MEIS2: variants seen among roughly 807,000 people sequenced by gnomAD.
MEIS2 encodes the protein homeobox protein Meis2.
Under a neutral mutation model 58.6 loss-of-function variants are expected in MEIS2, and 9 were observed. The ratio of observed to expected loss-of-function variants is 0.15; its 90% CI spans 0.09 to 0.27. MEIS2 has a LOEUF of 0.27. Ranked by LOEUF, MEIS2 falls within the 10% of genes least tolerant of loss-of-function variation. MEIS2 has a pLI of 1.00. For synonymous variants in MEIS2, 221 were observed against 228.4 expected, an observed-to-expected ratio of 0.97 and a Z score of 0.29; for missense variants, 427 against 635.0, an observed-to-expected ratio of 0.67 and a Z score of 3.52.
intron 8 of MEIS2, among the ~76,000 whole-genome samples, chr15:36,967,025 A>G (rs1029421289): frequency 1.3e-5 from 2 of 152,190 alleles, no homozygotes; most frequent in Non-Finnish European, 2.9e-5. Flanking sequence ...AAGTACTAAC[A>G]TGGTGTCTGG....
chr15:37,055,709 G>A (rs1018448992), intron 7 of MEIS2, among the ~76,000 whole-genome samples: 4 of 152,154 alleles, frequency 2.6e-5, no homozygotes, highest in African/African-American at 4.8e-5. Flanking sequence ...CACTAAGTAC[G>A]GAAAGCTCGG....
intron 8 of MEIS2, among the ~76,000 whole-genome samples, chr15:36,971,553 A>AAAAAAAAAAAAAAAG (rs1555438306): frequency 2.3e-5 from 3 of 132,062 alleles, no homozygotes; most frequent in East Asian, 2.6e-4. Context: ...AAAAAAAAAA[A>AAAAAAAAAAAAAAAG]AAAAAAAAAA....
At chr15:37,046,509 C>T (rs2141782203) in intron 7 of MEIS2, among the ~76,000 whole-genome samples, 1 of 152,204 alleles carries the variant, frequency 6.6e-6, no homozygotes, top group Middle Eastern at 3.4e-3. Context: ...ACTTCACCCA[C>T]TGGTTGGAAA....
Position 37,042,430 on chromosome 15 carries a change from G to A in MEIS2, c.755-5471C>T, listed in dbSNP as rs867197747. ...CCTGCCAAAACTGACATTTACCATT[G>A]AGGAAACTGAAGCCAGGAGATTAAA... On this transcript the variant is annotated intron_variant, in intron 7 of 11. Coordinates refer to ENST00000561208, the MANE Select transcript of MEIS2 (RefSeq NM_170675.5). 2.0e-5 allele frequency among the ~76,000 whole-genome samples: 3 copies of A among 152,232 alleles called. No individual in the cohort carries two copies. In the South Asian group the frequency reaches 6.2e-4, roughly 32 times the overall value.
intron 7 of MEIS2, among the ~76,000 whole-genome samples, chr15:37,069,824 A>G (rs75735046): frequency 0.013 from 2,032 of 152,212 alleles, 43 homozygotes; most frequent in African/African-American, 0.047. Flanking sequence ...AGATGTAGAC[A>G]AGGTGGGGTT....
chr15:36,902,130 C>T (rs1377572819), intron 9 of MEIS2, among the ~76,000 whole-genome samples: 2 of 152,162 alleles, frequency 1.3e-5, no homozygotes, highest in African/African-American at 4.8e-5. Flanking sequence ...ATCCTTAGCA[C>T]AATGCCTGGC....
intron 9 of MEIS2, among the ~76,000 whole-genome samples, chr15:36,931,989 T>A (rs1223206299): frequency 6.6e-6 from 1 of 152,064 alleles, no homozygotes; most frequent in Non-Finnish European, 1.5e-5. Flanking sequence ...GTGCACAAAA[T>A]CCCTATTAGC....
intron 9 of MEIS2, among the ~76,000 whole-genome samples, chr15:36,927,814 T>C (rs1364080592): frequency 1.3e-5 from 2 of 152,184 alleles, no homozygotes; most frequent in South Asian, 4.1e-4. Context: ...TAAGTCATTT[T>C]CTCTGTATTT....
intron 8 of MEIS2, among the ~76,000 whole-genome samples, chr15:36,957,606 T>C (rs1279371263): frequency 1.3e-5 from 2 of 152,228 alleles, no homozygotes; most frequent in Non-Finnish European, 2.9e-5. Flanking sequence ...TCTCTTGTGT[T>C]TTTATTCACT....
intron 9 of MEIS2, among the ~76,000 whole-genome samples, chr15:36,903,328 A>G (rs553308976): frequency 6.6e-6 from 1 of 152,300 alleles, no homozygotes; most frequent in South Asian, 2.1e-4. Flanking sequence ...GGAGGAGAAA[A>G]CACTCAAACT....
chr15:37,001,657 A>G (rs759854698), intron 8 of MEIS2, among the ~76,000 whole-genome samples: 10 of 152,140 alleles, frequency 6.6e-5, no homozygotes, highest in Admixed American at 1.3e-4. Flanking sequence ...TTACACTTAG[A>G]TCAGGCTTTT....
intron 8 of MEIS2, among the ~76,000 whole-genome samples, chr15:37,025,902 G>C (rs1457429562): frequency 6.6e-6 from 1 of 152,258 alleles, no homozygotes; most frequent in African/African-American, 2.4e-5. Context: ...TAAGCTCTAA[G>C]AGGGGTTTTT....
intron 8 of MEIS2, among the ~76,000 whole-genome samples, chr15:37,036,067 A>T (rs893867262): frequency 6.6e-6 from 1 of 152,182 alleles, no homozygotes; most frequent in Non-Finnish European, 1.5e-5. Flanking sequence ...ATATATTGTA[A>T]TTTTTTTGTC....
intron 8 of MEIS2, among the ~76,000 whole-genome samples, chr15:36,955,865 C>T (rs552190266): frequency 6.6e-6 from 1 of 151,718 alleles, no homozygotes; most frequent in South Asian, 2.1e-4. Context: ...GAAATCAGAA[C>T]CACAAAACAT....
chr15:37,096,522 G>C, intron 2 of MEIS2, 92 bp from the exon 3 acceptor site: 1 of 1,480,258 alleles, frequency 6.8e-7, no homozygotes, highest in Non-Finnish European at 9.1e-7. Flanking sequence ...TGGAGGGTGT[G>C]GAGTCCTTCT....
chr15:36,966,859 A>G (rs1469049280), intron 8 of MEIS2, among the ~76,000 whole-genome samples: 1 of 145,604 alleles, frequency 6.9e-6, no homozygotes, highest in Middle Eastern at 3.3e-3. Flanking sequence ...GTGACATTTG[A>G]TCATAGACAA....
intron 6 of MEIS2, 36 bp downstream of exon 6, chr15:37,093,545 T>C (rs761520727): frequency 6.2e-6 from 10 of 1,610,806 alleles, no homozygotes; most frequent in Admixed American, 1.7e-5. Context: ...CTTTGCCCAG[T>C]GGCCTTAAAA....
intron 8 of MEIS2, among the ~76,000 whole-genome samples, chr15:37,028,448 A>AT: frequency 6.6e-6 from 1 of 152,242 alleles, no homozygotes; most frequent in South Asian, 2.1e-4. Flanking sequence ...GCAATATGCA[A>AT]TTTTTCCCCC....
chr15:36,923,105 C>T (rs2057588212), intron 9 of MEIS2, among the ~76,000 whole-genome samples: 1 of 152,142 alleles, frequency 6.6e-6, no homozygotes, highest in Non-Finnish European at 1.5e-5. Flanking sequence ...ATTTTGTCTG[C>T]TGCAACAGAA....
Sources: gnomAD v4.1 joint callset for allele counts (sites outside exome capture counted in the v4.1 genomes callset) on GRCh38, gnomAD v4.1.1 for gene constraint, MANE v1.5 for transcripts, NCBI Gene and HGNC (gene_info 2026-07-23, HGNC 2026-07-21) for gene names.